Variants in AUTS2 observed in about 807,000 individuals in gnomAD.
AUTS2 encodes activator of transcription and developmental regulator AUTS2.
Under a neutral mutation model 112.4 loss-of-function variants are expected in AUTS2, and 17 were observed. That is an observed-to-expected ratio of 0.15 (90% CI 0.10 to 0.23). The LOEUF is 0.23. Among genes scored for constraint, AUTS2 ranks in the 10% least tolerant of loss-of-function variants. AUTS2 has a pLI of 1.00. For synonymous variants in AUTS2, 751 were observed against 702.7 expected, an observed-to-expected ratio of 1.07 and a Z score of -1.09; for missense variants, 1,510 against 1,701.6, an observed-to-expected ratio of 0.89 and a Z score of 1.98.
chr7:69,719,331 T>A lies in AUTS2; in HGVS notation c.309+119369T>A, dbSNP rs186634318. On this transcript the variant is annotated intron_variant, in intron 1 of 18. Coordinates refer to ENST00000342771, the MANE Select transcript of AUTS2 (RefSeq NM_015570.4). The stretch of plus-strand genomic sequence containing the variant: ...TCTTCAACTGGGTCTCACATAAAAC[T>A]GTCTTGAGACTTCTCTCCATCCTGT... Among the ~76,000 whole-genome samples, 4 of 152,314 alleles carry A rather than the reference T, an allele frequency of 2.6e-5. No individual in the cohort carries two copies. In the East Asian group the frequency reaches 7.7e-4, roughly 29 times the overall value.
intron 4 of AUTS2, among the ~76,000 whole-genome samples, chr7:70,374,303 T>C (rs1792982720): frequency 6.6e-6 from 1 of 152,238 alleles, no homozygotes; most frequent in African/African-American, 2.4e-5. Flanking sequence ...TGAGGTTCTT[T>C]TAAATTATTG....
intron 1 of AUTS2, among the ~76,000 whole-genome samples, chr7:69,884,399 T>G (rs1053267310): frequency 6.6e-6 from 1 of 152,212 alleles, no homozygotes; most frequent in African/African-American, 2.4e-5. Flanking sequence ...AAAGCATAGA[T>G]TATGAGTTTA....
intron 5 of AUTS2, among the ~76,000 whole-genome samples, chr7:70,462,308 GT>G (rs1440238522): frequency 6.6e-6 from 1 of 152,004 alleles, no homozygotes; most frequent in Non-Finnish European, 1.5e-5. Context: ...GTTGATTGGG[GT>G]TTTTCTTTTT....
At chr7:70,718,264 T>A (rs1810485001) in intron 6 of AUTS2, among the ~76,000 whole-genome samples, 1 of 152,174 alleles carries the variant, frequency 6.6e-6, no homozygotes, top group Admixed American at 6.5e-5. Context: ...CCGGCCGGCC[T>A]CCATCCCAGT....
At chr7:69,935,807 A>T (rs1458334858) in intron 2 of AUTS2, among the ~76,000 whole-genome samples, 1 of 152,170 alleles carries the variant, frequency 6.6e-6, no homozygotes, top group African/African-American at 2.4e-5. Flanking sequence ...GTTCTGGGAT[A>T]ATTGATGTTA....
chr7:69,838,843 T>C (rs1791841674), intron 1 of AUTS2, among the ~76,000 whole-genome samples: 1 of 152,112 alleles, frequency 6.6e-6, no homozygotes, highest in Non-Finnish European at 1.5e-5. Flanking sequence ...ATAGTTTTAT[T>C]TTATTTATTT....
In AUTS2 at chr7:69,698,382, A is replaced by G. The variant is rs576736243; in HGVS notation, c.309+98420A>G. On this transcript the variant is annotated intron_variant, in intron 1 of 18. Transcript: ENST00000342771. ...TTTGCTACTTATTGATCTAGTAGAA[A>G]AGCAAATAATTTTCCCTAGATAGTA... Among the ~76,000 whole-genome samples, 6 of 152,276 alleles carry G rather than the reference A, an allele frequency of 3.9e-5. No homozygotes were observed. In the East Asian group the frequency reaches 1.2e-3, roughly 29 times the overall value.
intron 5 of AUTS2, among the ~76,000 whole-genome samples, chr7:70,512,658 A>G (rs978783300): frequency 6.6e-6 from 1 of 152,208 alleles, no homozygotes; most frequent in Non-Finnish European, 1.5e-5. Context: ...AGGAACTTTC[A>G]TCTCAGGTTC....
intron 4 of AUTS2, among the ~76,000 whole-genome samples, chr7:70,339,194 A>G (rs1004050815): frequency 6.6e-6 from 1 of 152,106 alleles, no homozygotes; most frequent in Non-Finnish European, 1.5e-5. Context: ...TGGTTTTCTC[A>G]TTTTAAAAAC....
At chr7:70,525,578 A>G (rs566489283) in intron 5 of AUTS2, among the ~76,000 whole-genome samples, 5 of 152,324 alleles carry the variant, frequency 3.3e-5, no homozygotes, top group African/African-American at 1.2e-4. Context: ...GAGTGAGGGG[A>G]AGTACCCAGG....
chr7:70,267,595 G>C (rs1787495273), intron 4 of AUTS2, among the ~76,000 whole-genome samples: 1 of 152,202 alleles, frequency 6.6e-6, no homozygotes, highest in Non-Finnish European at 1.5e-5. Context: ...TTCGTTAGCT[G>C]TGTGACAATG....
At chr7:69,827,430 A>G (rs1246553928) in intron 1 of AUTS2, among the ~76,000 whole-genome samples, 2 of 151,936 alleles carry the variant, frequency 1.3e-5, no homozygotes, top group East Asian at 1.9e-4. Context: ...ACCGTGATAG[A>G]GGGGGAAAAA....
At chr7:70,335,872 G>A (rs1017411075) in intron 4 of AUTS2, among the ~76,000 whole-genome samples, 2 of 152,150 alleles carry the variant, frequency 1.3e-5, no homozygotes, top group African/African-American at 4.8e-5. Flanking sequence ...ATGACATAGT[G>A]CAGGTCTCTG....
chr7:70,004,726 A>C (rs1420593678), intron 2 of AUTS2, among the ~76,000 whole-genome samples: 1 of 151,812 alleles, frequency 6.6e-6, no homozygotes, highest in African/African-American at 2.4e-5. Context: ...AAAAAAAATT[A>C]CTTCATTTTC....
chr7:69,813,649 A>G (rs1715299720), intron 1 of AUTS2, among the ~76,000 whole-genome samples: 1 of 152,294 alleles, frequency 6.6e-6, no homozygotes, highest in South Asian at 2.1e-4. Context: ...CCTAAATACC[A>G]CTTCTCACAA....
At position 70,490,641 on chromosome 7, in the gene AUTS2, G is replaced by T. The variant is rs564928914; in HGVS notation, c.690+54860G>T. Reference sequence around the variant, plus strand: ...TGACAGGTCACCAATGGACCATAATGCTTGGCTTTCAGGGCACCTGGACTT... The same window carrying T: ...TGACAGGTCACCAATGGACCATAATTCTTGGCTTTCAGGGCACCTGGACTT... On this transcript the variant is annotated intron_variant, in intron 5 of 18. Transcript: ENST00000342771. 7.2e-5 allele frequency among the ~76,000 whole-genome samples: 11 copies of T among 152,204 alleles called. No individual in the cohort carries two copies. In the South Asian group the frequency reaches 2.3e-3, roughly 32 times the overall value.
At chr7:70,209,586 G>C (rs937908444) in intron 4 of AUTS2, among the ~76,000 whole-genome samples, 1 of 152,116 alleles carries the variant, frequency 6.6e-6, no homozygotes, top group African/African-American at 2.4e-5. Context: ...TAAGGAAGAA[G>C]ACCCAGTGAA....
intron 5 of AUTS2, among the ~76,000 whole-genome samples, chr7:70,655,092 G>A (rs1172800214): frequency 6.6e-6 from 1 of 152,198 alleles, no homozygotes; most frequent in Non-Finnish European, 1.5e-5. Context: ...CCTGTGGCGG[G>A]AAGCCATCAC....
intron 6 of AUTS2, among the ~76,000 whole-genome samples, chr7:70,729,917 C>G (rs1356844534): frequency 6.6e-6 from 1 of 152,058 alleles, no homozygotes; most frequent in Non-Finnish European, 1.5e-5. Flanking sequence ...GACTCTGGCC[C>G]CATCACCCAG....
Sources: gnomAD v4.1 joint callset for allele counts (sites outside exome capture counted in the v4.1 genomes callset) on GRCh38, gnomAD v4.1.1 for gene constraint, MANE v1.5 for transcripts, NCBI Gene and HGNC (gene_info 2026-07-23, HGNC 2026-07-21) for gene names.